The following CDH13 variants were observed in gnomAD, a reference collection of about 807,000 sequenced individuals.
CDH13 encodes cadherin-13.
A neutral mutation model predicts 63.8 loss-of-function variants in CDH13; 24 were observed. The observed-to-expected ratio is 0.38, with a 90% CI of 0.27 to 0.53. The LOEUF (loss-of-function observed/expected upper bound fraction) is 0.53, where lower values mean the gene tolerates loss of function less well. Among genes scored for constraint, CDH13 ranks in the 20% least tolerant of loss-of-function variants. The probability of loss-of-function intolerance (pLI) is 0.85; values close to 1 mark genes in which losing one functional copy is unlikely to be tolerated. For missense variants in CDH13, 1,049 were observed against 903.1 expected (o/e 1.16, Z -2.07); for synonymous variants, 503 against 355.3 (o/e 1.42, Z -4.67).
intron 3 of CDH13, among the ~76,000 whole-genome samples, chr16:83,088,257 G>T (rs1297872009): frequency 1.3e-5 from 2 of 152,160 alleles, no homozygotes; most frequent in Non-Finnish European, 2.9e-5. Context: ...AGGGTGTCTT[G>T]TTGAGTTTCA....
intron 1 of CDH13, among the ~76,000 whole-genome samples, chr16:82,695,456 A>T (rs528900977): frequency 1.3e-5 from 2 of 152,080 alleles, no homozygotes; most frequent in South Asian, 4.1e-4. Context: ...TCTACCATTC[A>T]TGGCAGGGTT....
intron 7 of CDH13, among the ~76,000 whole-genome samples, chr16:83,544,332 G>A (rs928709656): frequency 1.3e-5 from 2 of 151,876 alleles, no homozygotes; most frequent in Non-Finnish European, 2.9e-5. Context: ...TTTCCATTCA[G>A]ATTCCTGCTC....
At chr16:82,805,625 G>C (rs981254999) in intron 1 of CDH13, among the ~76,000 whole-genome samples, 1 of 152,140 alleles carries the variant, frequency 6.6e-6, no homozygotes, top group Non-Finnish European at 1.5e-5. Context: ...GTGAGTCAGA[G>C]TCAAAGTCAA....
rs535874624 is a variant in CDH13, at chr16:82,918,039, A to G, written c.157+59566A>G. On this transcript the variant is annotated intron_variant, in intron 2 of 13. Transcript: ENST00000567109. ...ACAATTGCAAATGTTAAATAAGCCA[A>G]AGATCACAAAAAGAGGTTTGTTTTG... Among the ~76,000 whole-genome samples the G allele has an allele frequency of 6.8e-4, 103 of 152,312 alleles. 1 individual carries two copies. Among genetic ancestry groups the G allele is most frequent in the Admixed American group, 1.5e-3 (23 of 15,302 alleles).
chr16:82,754,529 C>T (rs539662300), intron 1 of CDH13, among the ~76,000 whole-genome samples: 12 of 152,218 alleles, frequency 7.9e-5, no homozygotes, highest in South Asian at 4.2e-4. Flanking sequence ...CTGAGAACTG[C>T]CATCAAACAT....
intron 2 of CDH13, among the ~76,000 whole-genome samples, chr16:82,876,704 G>A (rs894860034): frequency 2.0e-5 from 3 of 152,116 alleles, no homozygotes. Flanking sequence ...CAAATTCCTG[G>A]TAGAGAAGCT....
intron 6 of CDH13, among the ~76,000 whole-genome samples, chr16:83,413,391 G>C (rs938984932): frequency 1.3e-5 from 2 of 151,908 alleles, no homozygotes; most frequent in African/African-American, 4.8e-5. Context: ...ATTATTATCA[G>C]TCACTCCTCC....
chr16:83,592,404 A>G (rs932459314), intron 7 of CDH13, among the ~76,000 whole-genome samples: 2 of 152,156 alleles, frequency 1.3e-5, no homozygotes, highest in Non-Finnish European at 2.9e-5. Context: ...ATCACATCCT[A>G]GCAGTTATTT....
intron 1 of CDH13, among the ~76,000 whole-genome samples, chr16:82,645,623 T>G (rs535918232): frequency 2.0e-4 from 31 of 152,268 alleles, no homozygotes; most frequent in African/African-American, 7.2e-4. Context: ...CTGATCCAAA[T>G]GCATAGCTTC....
rs1292680356 is a variant in CDH13 at position 83,505,551 on chromosome 16, T to G, written c.960+18896T>G. Among the ~76,000 whole-genome samples the G allele has an allele frequency of 4.0e-5, 6 of 148,542 alleles. 1 individual carries two copies. The highest frequency in any genetic ancestry group is 1.0e-4 in the African/African-American group (4 of 39,976). On this transcript the variant is annotated intron_variant, in intron 7 of 13. Coordinates refer to ENST00000567109, the MANE Select transcript of CDH13 (RefSeq NM_001257.5). ...TAATCCTTTTTTTTTTTTTTTTTTT[T>G]TTTTTTTTGAGAAGGAGTTTTTGCT...
chr16:83,220,719 A>G (rs1352680651), intron 5 of CDH13, among the ~76,000 whole-genome samples: 2 of 151,754 alleles, frequency 1.3e-5, no homozygotes, highest in East Asian at 1.9e-4. Flanking sequence ...TGTCATCATA[A>G]TAGCGCCAAT....
At position 82,691,560 on chromosome 16, in the gene CDH13, G is replaced by C. The variant is rs143585073; in HGVS notation, c.45+64423G>C. Among the ~76,000 whole-genome samples the C allele has an allele frequency of 4.0e-4, 61 of 152,166 alleles. No homozygotes were observed. The East Asian group carries it at 0.011, about 28-fold the overall frequency. On this transcript the variant is annotated intron_variant, in intron 1 of 13. Coordinates refer to ENST00000567109, the MANE Select transcript of CDH13 (RefSeq NM_001257.5). Reference sequence around the variant, plus strand: ...CTTCTCTGTCTCACTTACTACTTGGGGAGATTGTCTTCCAAATAAACTACC... The same window carrying C: ...CTTCTCTGTCTCACTTACTACTTGGCGAGATTGTCTTCCAAATAAACTACC...
chr16:83,039,683 A>C (rs1174648001), intron 3 of CDH13, among the ~76,000 whole-genome samples: 1 of 152,028 alleles, frequency 6.6e-6, no homozygotes, highest in Non-Finnish European at 1.5e-5. Context: ...CAGAGTATTC[A>C]GTGGATGCCT....
chr16:83,273,688 A>G (rs1355282145), intron 5 of CDH13, among the ~76,000 whole-genome samples: 1 of 152,212 alleles, frequency 6.6e-6, no homozygotes, highest in Admixed American at 6.5e-5. Context: ...ACAGGTTTTA[A>G]TGACATAGGT....
intron 4 of CDH13, among the ~76,000 whole-genome samples, chr16:83,201,105 G>T (rs2039017387): frequency 6.6e-6 from 1 of 152,106 alleles, no homozygotes; most frequent in Non-Finnish European, 1.5e-5. Context: ...TGAAACCAGG[G>T]TAGCTGTGCC....
At chr16:82,831,251 A>G (rs2038527871) in intron 1 of CDH13, among the ~76,000 whole-genome samples, 1 of 152,186 alleles carries the variant, frequency 6.6e-6, no homozygotes, top group African/African-American at 2.4e-5. Flanking sequence ...TGATTTGCCA[A>G]TCATTAGCAT....
intron 1 of CDH13, among the ~76,000 whole-genome samples, chr16:82,686,023 C>A (rs541598114): frequency 1.1e-4 from 16 of 152,240 alleles, no homozygotes; most frequent in African/African-American, 3.4e-4. Context: ...TCTGCATTAT[C>A]CCTAGTGAAT....
At chr16:83,668,917 A>C (rs1460982844) in intron 8 of CDH13, among the ~76,000 whole-genome samples, 6 of 152,208 alleles carry the variant, frequency 3.9e-5, no homozygotes, top group African/African-American at 1.4e-4. Context: ...AGGCCTGTCC[A>C]CACCAGGCTC....
intron 7 of CDH13, among the ~76,000 whole-genome samples, chr16:83,489,063 C>G (rs1014220560): frequency 1.3e-5 from 2 of 152,172 alleles, no homozygotes; most frequent in Non-Finnish European, 1.5e-5. Context: ...CCTTAATGCT[C>G]CCAAAGCTTC....
Sources: allele counts gnomAD v4.1 joint callset (sites outside exome capture counted in the v4.1 genomes callset), GRCh38; gene constraint gnomAD v4.1.1; transcripts MANE v1.5; gene names NCBI Gene and HGNC (gene_info 2026-07-23, HGNC 2026-07-21).